The following GRID2 variants were observed in gnomAD, a reference collection of about 807,000 sequenced individuals.
GRID2 encodes the protein glutamate receptor ionotropic, delta-2.
GRID2 carries 33 observed loss-of-function variants against 114.8 expected under a neutral mutation model. That is an observed-to-expected ratio of 0.29 (90% CI 0.22 to 0.38). GRID2 has a LOEUF of 0.38. Among genes scored for constraint, GRID2 ranks in the 10% least tolerant of loss-of-function variants. GRID2 has a pLI of 1.00. For missense variants in GRID2, 1,184 were observed against 1,257.7 expected, an observed-to-expected ratio of 0.94 and a Z score of 0.89; for synonymous variants, 505 against 449.9, an observed-to-expected ratio of 1.12 and a Z score of -1.55.
intron 2 of GRID2, among the ~76,000 whole-genome samples, chr4:92,621,145 T>C (rs1730255393): frequency 1.3e-5 from 2 of 151,700 alleles, no homozygotes; most frequent in Non-Finnish European, 2.9e-5. Flanking sequence ...GCACAGACCA[T>C]CCCATCACTC....
At chr4:93,285,401 C>G (rs1024672072) in intron 8 of GRID2, among the ~76,000 whole-genome samples, 1 of 151,724 alleles carries the variant, frequency 6.6e-6, no homozygotes, top group Non-Finnish European at 1.5e-5. Context: ...CTATATAAAC[C>G]TTTATCATGA....
At chr4:93,092,447 G>T (rs1392790143) in intron 3 of GRID2, among the ~76,000 whole-genome samples, 1 of 151,910 alleles carries the variant, frequency 6.6e-6, no homozygotes, top group Non-Finnish European at 1.5e-5. Flanking sequence ...AACCCTCTTT[G>T]GCTTTCCCTA....
At chr4:93,796,604 C>T (rs942367710) in intron 1 of GRID2, among the ~76,000 whole-genome samples, 22 of 152,122 alleles carry the variant, frequency 1.4e-4, no homozygotes, top group Non-Finnish European at 2.1e-4. Context: ...AGTGCCGTGG[C>T]GCTATCTCGG....
chr4:92,909,845 G>T (rs1240861536), intron 2 of GRID2, among the ~76,000 whole-genome samples: 3 of 151,954 alleles, frequency 2.0e-5, no homozygotes, highest in Non-Finnish European at 4.4e-5. Flanking sequence ...TAACCAAAGA[G>T]CAAGGCATAC....
At chr4:92,319,443 A>C (rs2110124010) in intron 1 of GRID2, among the ~76,000 whole-genome samples, 1 of 152,360 alleles carries the variant, frequency 6.6e-6, no homozygotes, top group Non-Finnish European at 1.5e-5. Flanking sequence ...TGAGAGGAAG[A>C]AAAGTTTCCA....
intron 2 of GRID2, among the ~76,000 whole-genome samples, chr4:93,030,561 T>TA (rs1459387105): frequency 1.3e-5 from 2 of 152,108 alleles, no homozygotes; most frequent in East Asian, 3.9e-4. Context: ...ATTTTTGTAT[T>TA]TTTAGTAGAG....
At chr4:93,477,283 C>T (rs1725408191) in intron 11 of GRID2, among the ~76,000 whole-genome samples, 1 of 152,050 alleles carries the variant, frequency 6.6e-6, no homozygotes, top group South Asian at 2.1e-4. Flanking sequence ...GCCTGTATAG[C>T]CTAATCGCCC....
intron 1 of GRID2, among the ~76,000 whole-genome samples, chr4:92,357,373 G>A (rs1728378562): frequency 6.6e-6 from 1 of 151,778 alleles, no homozygotes. Flanking sequence ...AAACAGATCT[G>A]AGTTAAACAA....
At chr4:93,808,636 G>T (rs576904934) in exon 2 of GRID2, 2 of 152,136 alleles carry the variant, frequency 1.3e-5, no homozygotes, top group African/African-American at 2.4e-5. Context: ...GAAGTAGTCC[G>T]GAGGACCAAA....
rs1013488668 is a variant in GRID2, at chr4:93,692,440, C to T, written c.2360+66005C>T. Among the ~76,000 whole-genome samples the T allele has an allele frequency of 4.3e-4, 65 of 152,010 alleles. 1 individual carries two copies. Among genetic ancestry groups the T allele is most frequent in the Admixed American group, 3.9e-4 (6 of 15,258 alleles). ...AAATGAATTTAGCACATGTAAAACA[C>T]CAAGAATGTATCTGCTACATAGAAA... On this transcript the variant is annotated intron_variant, in intron 14 of 15. Transcript: ENST00000282020.
chr4:93,282,497 G>A, intron 8 of GRID2: 1 of 296,622 alleles, frequency 3.4e-6, no homozygotes, highest in Non-Finnish European at 6.6e-6. Context: ...ATGAGATAAG[G>A]GTCAAACTCA....
At chr4:92,441,199 T>C (rs1733051873) in intron 1 of GRID2, among the ~76,000 whole-genome samples, 1 of 152,030 alleles carries the variant, frequency 6.6e-6, no homozygotes, top group African/African-American at 2.4e-5. Context: ...TAGAAGGTGT[T>C]TGGGTTTGAG....
chr4:92,839,420 C>T (rs1285017536), intron 2 of GRID2, among the ~76,000 whole-genome samples: 2 of 125,088 alleles, frequency 1.6e-5, no homozygotes, highest in African/African-American at 2.9e-5. Flanking sequence ...CCTCCCCCCT[C>T]CCCCCACCAC....
chr4:93,252,329 ATTTT>A lies in GRID2; in HGVS notation c.1245+13854_1245+13857del, dbSNP rs56056248. On this transcript the variant is annotated intron_variant, in intron 8 of 15. Coordinates refer to ENST00000282020, the MANE Select transcript of GRID2 (RefSeq NM_001510.4). ...CCTTTTATTGAATAGGGAATCCTTC[ATTTT>A]TTTTTTTTTTTTTTGGTTAGGTTTG... Among the ~76,000 whole-genome samples, 363 of 119,738 alleles carry A rather than the reference ATTTT, an allele frequency of 3.0e-3. 1 individual carries two copies. The highest frequency in any genetic ancestry group is 0.011 in the African/African-American group (350 of 30,990). 78.6% of individuals were successfully genotyped at this position (119,738 alleles called of 152,430 possible).
chr4:92,607,755 C>G (rs964527107), intron 2 of GRID2, among the ~76,000 whole-genome samples: 4 of 151,946 alleles, frequency 2.6e-5, no homozygotes, highest in African/African-American at 9.6e-5. Context: ...ATCACTAATT[C>G]AACATTGTTC....
At chr4:93,532,505 C>T (rs1731548341) in intron 13 of GRID2, among the ~76,000 whole-genome samples, 2 of 152,114 alleles carry the variant, frequency 1.3e-5, no homozygotes, top group Non-Finnish European at 2.9e-5. Flanking sequence ...GCATTTAATA[C>T]TTTGTGTATT....
At chr4:93,334,434 TA>T (rs1758819776) in intron 8 of GRID2, among the ~76,000 whole-genome samples, 1 of 152,170 alleles carries the variant, frequency 6.6e-6, no homozygotes, top group Admixed American at 6.5e-5. Context: ...ATAATATGAT[TA>T]GACCTCTAGG....
At chr4:93,259,836 TTAA>T (rs1439544929) in intron 8 of GRID2, among the ~76,000 whole-genome samples, 2 of 151,792 alleles carry the variant, frequency 1.3e-5, no homozygotes, top group Admixed American at 6.6e-5. Context: ...ATGGCTATAC[TTAA>T]TATTGTCTAA....
chr4:93,446,875 A>G (rs1034310477), intron 10 of GRID2, among the ~76,000 whole-genome samples: 2 of 151,446 alleles, frequency 1.3e-5, no homozygotes, highest in Non-Finnish European at 2.9e-5. Flanking sequence ...TAATATAAAT[A>G]GTACAATTAA....
Sources: allele counts gnomAD v4.1 joint callset (sites outside exome capture counted in the v4.1 genomes callset), GRCh38; gene constraint gnomAD v4.1.1; transcripts MANE v1.5; gene names NCBI Gene and HGNC (gene_info 2026-07-23, HGNC 2026-07-21).